The following SCN8A variants were observed in gnomAD, a reference collection of about 807,000 sequenced individuals.
SCN8A encodes the protein sodium channel protein type 8 subunit alpha.
In SCN8A, 30 loss-of-function variants were observed where a neutral mutation model predicts 184.1. The observed-to-expected ratio is 0.16, with a 90% CI of 0.12 to 0.22. The LOEUF (loss-of-function observed/expected upper bound fraction) is 0.22, where lower values mean the gene tolerates loss of function less well. SCN8A is among the 10% of genes least tolerant of loss of function. SCN8A has a pLI of 1.00. For synonymous variants in SCN8A, 852 were observed against 907.0 expected (o/e 0.94, Z 1.09); for missense variants, 1,057 against 2,498.9 (o/e 0.42, Z 12.30).
chr12:51,617,169 C>T (rs948998358), intron 1 of SCN8A, among the ~76,000 whole-genome samples: 1 of 152,096 alleles, frequency 6.6e-6, no homozygotes, highest in Non-Finnish European at 1.5e-5. Flanking sequence ...GAAGTTTTAG[C>T]CATTGTTTCT....
Position 51,810,387 on chromosome 12 carries a change from G to A in SCN8A, c.*2958G>A, listed in dbSNP as rs139583511. 15 of 450,416 alleles carry A rather than the reference G, an allele frequency of 3.3e-5. No homozygotes were observed. The highest frequency in any genetic ancestry group is 5.3e-5 in the Non-Finnish European group (12 of 224,502). The allele number at this position is 450,416 out of a possible 1,614,324, so 27.9% of individuals were successfully genotyped here. A position where few individuals can be genotyped will look rare whatever the true frequency, so the allele number is the denominator to read the frequency against. On this transcript the variant is annotated 3_prime_UTR_variant, in exon 27 of 27. Coordinates refer to ENST00000627620, the MANE Select transcript of SCN8A (RefSeq NM_001330260.2). ...ACACCATCACCAGCAGTTTACACCC[G>A]CAGTTAACAGGCATCGAACTGAAAG...
chr12:51,801,198 C>T (rs1391169492), intron 26 of SCN8A, among the ~76,000 whole-genome samples: 4 of 152,206 alleles, frequency 2.6e-5, no homozygotes, highest in African/African-American at 9.7e-5. Flanking sequence ...ATTATGGTAG[C>T]TACGCCCACC....
At chr12:51,639,654 A>G (rs575959727) in intron 1 of SCN8A, among the ~76,000 whole-genome samples, 1 of 152,214 alleles carries the variant, frequency 6.6e-6, no homozygotes, top group South Asian at 2.1e-4. Context: ...TCTTTTATGA[A>G]AGGAAGAATT....
intron 1 of SCN8A, among the ~76,000 whole-genome samples, chr12:51,653,679 A>G (rs1250441471): frequency 2.0e-5 from 3 of 152,116 alleles, no homozygotes; most frequent in Admixed American, 1.3e-4. Context: ...TCCTGCTTTC[A>G]GTTCTTTTGG....
At chr12:51,708,118 T>C (rs1482680953) in intron 11 of SCN8A, among the ~76,000 whole-genome samples, 2 of 152,180 alleles carry the variant, frequency 1.3e-5, no homozygotes, top group African/African-American at 4.8e-5. Context: ...AGGGAGAGCT[T>C]TTCTCCTCTA....
intron 12 of SCN8A, chr12:51,722,932 T>G (rs1406344286): frequency 1.3e-5 from 2 of 152,254 alleles, no homozygotes; most frequent in African/African-American, 4.8e-5. Context: ...TAATCCTTCA[T>G]ACCTCTAATT....
Position 51,641,729 on chromosome 12 carries a change from G to C in SCN8A, c.-54-21035G>C, listed in dbSNP as rs142006052. 5.4e-3 allele frequency among the ~76,000 whole-genome samples: 829 copies of C among 152,330 alleles called. 10 individuals carry two copies. Among genetic ancestry groups the C allele is most frequent in the African/African-American group, 0.019 (776 of 41,568 alleles). ...TATCCACTGTGCGGAAAGGCAGTGT[G>C]TTATAGAAAATCACTGGGGCGGAGA... On this transcript the variant is annotated intron_variant, in intron 1 of 26. Coordinates refer to ENST00000627620, the MANE Select transcript of SCN8A (RefSeq NM_001330260.2).
intron 1 of SCN8A, among the ~76,000 whole-genome samples, chr12:51,630,346 TAAG>T: frequency 6.6e-6 from 1 of 152,128 alleles, no homozygotes; most frequent in Non-Finnish European, 1.5e-5. Flanking sequence ...GGATCTCATA[TAAG>T]AAGAATTACA....
chr12:51,724,190 A>G (rs1452068511), intron 12 of SCN8A, among the ~76,000 whole-genome samples: 1 of 152,208 alleles, frequency 6.6e-6, no homozygotes, highest in East Asian at 1.9e-4. Context: ...TCATGCCTAT[A>G]ATCCCAGCAC....
At chr12:51,687,021 G>A in intron 4 of SCN8A, 70 bp from the exon 5 acceptor site, 1 of 1,556,608 alleles carries the variant, frequency 6.4e-7, no homozygotes. Context: ...CTTCAGGCAA[G>A]TGCTAACTTA....
intron 26 of SCN8A, among the ~76,000 whole-genome samples, chr12:51,805,069 G>T (rs73107253): frequency 0.088 from 13,423 of 152,122 alleles, 823 homozygotes; most frequent in South Asian, 0.19. Context: ...GAGAGTATCA[G>T]TATCATCTTG....
intron 21 of SCN8A, among the ~76,000 whole-genome samples, chr12:51,782,717 C>T (rs530796846): frequency 1.3e-5 from 2 of 152,290 alleles, no homozygotes; most frequent in South Asian, 2.1e-4. Flanking sequence ...TCCTCATGGC[C>T]GCTGAGGCCA....
At chr12:51,603,768 G>A (rs1316422504) in intron 1 of SCN8A, among the ~76,000 whole-genome samples, 1 of 151,706 alleles carries the variant, frequency 6.6e-6, no homozygotes, top group East Asian at 1.9e-4. Context: ...TAATAGGTGT[G>A]TAGTGGTATC....
At chr12:51,606,905 T>A (rs181872555) in intron 1 of SCN8A, among the ~76,000 whole-genome samples, 8,728 of 148,290 alleles carry the variant, frequency 0.059, 338 homozygotes, top group Middle Eastern at 0.089. Context: ...TATTTATTTA[T>A]TTTTTTTTTT....
chr12:51,689,118 A>G (rs779280181), intron 6 of SCN8A, 22 bp downstream of exon 6: 18 of 1,553,740 alleles, frequency 1.2e-5, no homozygotes, highest in Middle Eastern at 3.3e-4. Flanking sequence ...TGTACATAAG[A>G]CTGACTTTGC....
chr12:51,671,461 C>T (rs370422555), intron 2 of SCN8A, among the ~76,000 whole-genome samples: 4 of 152,310 alleles, frequency 2.6e-5, no homozygotes, highest in African/African-American at 9.6e-5. Context: ...ATTAGCCAGT[C>T]ACCTCAGCCA....
At chr12:51,606,533 A>G (rs915549292) in intron 1 of SCN8A, among the ~76,000 whole-genome samples, 1 of 151,838 alleles carries the variant, frequency 6.6e-6, no homozygotes, top group African/African-American at 2.4e-5. Flanking sequence ...ATGCCTCCAG[A>G]TTTGTTCTTT....
intron 20 of SCN8A, among the ~76,000 whole-genome samples, chr12:51,779,768 T>C (rs141717837): frequency 6.6e-6 from 1 of 152,304 alleles, no homozygotes; most frequent in African/African-American, 2.4e-5. Flanking sequence ...GACATGGAAA[T>C]GACAGACCTG....
intron 1 of SCN8A, among the ~76,000 whole-genome samples, chr12:51,640,977 G>A (rs1223973017): frequency 6.6e-6 from 1 of 152,200 alleles, no homozygotes; most frequent in African/African-American, 2.4e-5. Flanking sequence ...GAATGTCTCA[G>A]GGAAAAGTGT....
Sources: gnomAD v4.1 joint callset for allele counts (sites outside exome capture counted in the v4.1 genomes callset) on GRCh38, gnomAD v4.1.1 for gene constraint, MANE v1.5 for transcripts, NCBI Gene and HGNC (gene_info 2026-07-23, HGNC 2026-07-21) for gene names.